The following STK35 variants were observed in gnomAD, a reference collection of about 807,000 sequenced individuals.
STK35 encodes serine/threonine kinase 35, also known as serine/threonine-protein kinase 35.
In STK35, 17 loss-of-function variants were observed where a neutral mutation model predicts 37.3. The observed-to-expected ratio is 0.46, with a 90% CI of 0.31 to 0.68. STK35 has a LOEUF of 0.68. STK35 is among the 30% of genes least tolerant of loss of function. STK35 has a pLI of 0.05. For synonymous variants in STK35, 385 were observed against 319.1 expected (o/e 1.21, Z -2.20); for missense variants, 595 against 746.7 (o/e 0.80, Z 2.37).
At chr20:2,109,609 C>A (rs886486331) in intron 2 of STK35, among the ~76,000 whole-genome samples, 4 of 152,212 alleles carry the variant, frequency 2.6e-5, no homozygotes, top group African/African-American at 9.7e-5. Flanking sequence ...TTTCCAGTGT[C>A]CATGTTCTTG....
chr20:2,109,487 G>A (rs1255956741), intron 2 of STK35, among the ~76,000 whole-genome samples: 2 of 152,210 alleles, frequency 1.3e-5, no homozygotes, highest in East Asian at 3.9e-4. Flanking sequence ...TAAAGTTGGT[G>A]TTTATATAAC....
intron 3 of STK35, among the ~76,000 whole-genome samples, chr20:2,126,611 G>A (rs1167010623): frequency 6.6e-6 from 1 of 152,148 alleles, no homozygotes; most frequent in African/African-American, 2.4e-5. Context: ...TAGGGCAGCC[G>A]CATTCGTGCT....
intron 2 of STK35, 150 bp from the exon 3 acceptor site, chr20:2,116,516 T>C (rs1985719802): frequency 2.3e-6 from 2 of 856,808 alleles, no homozygotes; most frequent in South Asian, 1.8e-5. Flanking sequence ...GTGTCATACC[T>C]TAGAAAGGCA....
rs894848862 is a variant in STK35 at position 2,146,716 on chromosome 20, C to G, written c.*2970C>G. ...CCACGGGGGAGGGATCACCCTCACC[C>G]CCAACACCCTCTTCCTGAGGGCTGT... On this transcript the variant is annotated 3_prime_UTR_variant, in exon 4 of 4. Coordinates refer to ENST00000381482, the MANE Select transcript of STK35 (RefSeq NM_080836.4). The G allele has an allele frequency of 6.5e-6, 1 of 152,724 alleles. No homozygotes were observed. The highest frequency in any genetic ancestry group is 1.5e-5 in the Non-Finnish European group (1 of 68,132). 9.5% of individuals were successfully genotyped at this position (152,724 alleles called of 1,614,324 possible). A position where few individuals can be genotyped will look rare whatever the true frequency, so the allele number is the denominator to read the frequency against.
chr20:2,137,650 G>A (rs1986108712), intron 3 of STK35, among the ~76,000 whole-genome samples: 1 of 152,138 alleles, frequency 6.6e-6, no homozygotes, highest in Non-Finnish European at 1.5e-5. Flanking sequence ...CAACAGGCAC[G>A]TTCACAGCAC....
At chr20:2,119,332 GGA>G (rs954751308) in intron 3 of STK35, among the ~76,000 whole-genome samples, 9 of 152,208 alleles carry the variant, frequency 5.9e-5, no homozygotes, top group African/African-American at 1.9e-4. Context: ...CTGAAACCAG[GGA>G]GAGCCTGGCA....
intron 2 of STK35, among the ~76,000 whole-genome samples, chr20:2,108,687 C>G (rs551127038): frequency 6.6e-6 from 1 of 152,306 alleles, no homozygotes; most frequent in South Asian, 2.1e-4. Flanking sequence ...TTGCTCCTGA[C>G]CGACTACTTT....
chr20:2,112,555 G>A (rs1267695489), intron 2 of STK35, among the ~76,000 whole-genome samples: 2 of 152,118 alleles, frequency 1.3e-5, no homozygotes, highest in Non-Finnish European at 2.9e-5. Context: ...CTGGGGGGAG[G>A]ACTTGCTGTG....
Position 2,116,898 on chromosome 20 carries a change from C to T in STK35, c.1125C>T (p.Pro375=), listed in dbSNP as rs1349267582. The T allele has an allele frequency of 6.2e-7, 1 of 1,614,176 alleles. No homozygotes were observed. Among genetic ancestry groups the T allele is most frequent in the Non-Finnish European group, 8.5e-7 (1 of 1,180,036 alleles). Residue 375 remains proline, a synonymous_variant, in exon 3 of 4, where the codon CCC becomes CCT. Transcript: ENST00000381482. ...NILITERSGT[P]ILKVADFGLS... is the part of the protein sequence containing the mutation. ...TCATCACAGAGCGGTCTGGCACCCC[C>T]ATCCTCAAAGTGGCCGACTTTGGAC... is the stretch of plus-strand genomic sequence containing the variant.
At chr20:2,127,946 A>G (rs17779543) in intron 3 of STK35, among the ~76,000 whole-genome samples, 9,513 of 152,100 alleles carry the variant, frequency 0.063, 385 homozygotes, top group Admixed American at 0.11. Flanking sequence ...CATGAGTAAG[A>G]AGTGTTGGTG....
At chr20:2,126,517 C>T (rs759870555) in intron 3 of STK35, among the ~76,000 whole-genome samples, 1 of 152,114 alleles carries the variant, frequency 6.6e-6, no homozygotes, top group Non-Finnish European at 1.5e-5. Context: ...GGAAAGGGTA[C>T]TACTGTTCAG....
intron 3 of STK35, among the ~76,000 whole-genome samples, chr20:2,133,683 C>G (rs1030124343): frequency 6.6e-6 from 1 of 152,204 alleles, no homozygotes; most frequent in Non-Finnish European, 1.5e-5. Context: ...ACGGAGACCT[C>G]CAAATCTCAG....
intron 3 of STK35, among the ~76,000 whole-genome samples, chr20:2,130,299 A>G (rs1985977030): frequency 6.6e-6 from 1 of 152,152 alleles, no homozygotes; most frequent in African/African-American, 2.4e-5. Context: ...GAGCACCTTC[A>G]CAGGCACAGA....
intron 2 of STK35, among the ~76,000 whole-genome samples, chr20:2,110,626 A>G (rs1445331230): frequency 2.0e-5 from 3 of 152,148 alleles, no homozygotes; most frequent in Non-Finnish European, 4.4e-5. Flanking sequence ...TGAATTCCTC[A>G]AGTGGGATTT....
At chr20:2,104,440 A>G (rs1259672631) in intron 2 of STK35, among the ~76,000 whole-genome samples, 3 of 152,374 alleles carry the variant, frequency 2.0e-5, no homozygotes, top group East Asian at 3.9e-4. Flanking sequence ...TAACTTGATC[A>G]GGGTTAATCC....
At chr20:2,128,743 G>A (rs1162398903) in intron 3 of STK35, among the ~76,000 whole-genome samples, 1 of 152,122 alleles carries the variant, frequency 6.6e-6, no homozygotes, top group Non-Finnish European at 1.5e-5. Context: ...ATGGTAGGGA[G>A]GTCACCCCTA....
chr20:2,116,367 G>A (rs1985717056), intron 2 of STK35, among the ~76,000 whole-genome samples: 1 of 152,180 alleles, frequency 6.6e-6, no homozygotes, highest in African/African-American at 2.4e-5. Flanking sequence ...TTTGGGAGGT[G>A]TGGGTGGTAT....
In STK35 at chr20:2,131,937, T is replaced by C. The variant is rs575364635; in HGVS notation, c.*38-11847T>C. On this transcript the variant is annotated intron_variant, in intron 3 of 3. Transcript: ENST00000381482. Reference sequence around the variant, plus strand: ...ACTTTTTTCTATTTTAAAAAAGTAATTTTTTTACTTTTTAAATTTTTTTTG... The same window carrying C: ...ACTTTTTTCTATTTTAAAAAAGTAACTTTTTTACTTTTTAAATTTTTTTTG... Among the ~76,000 whole-genome samples the C allele has an allele frequency of 1.1e-3, 167 of 152,308 alleles. 2 individuals are homozygous for C. Among genetic ancestry groups the C allele is most frequent in the South Asian group, 3.5e-3 (17 of 4,824 alleles).
intron 2 of STK35, among the ~76,000 whole-genome samples, chr20:2,106,567 T>C (rs1456162397): frequency 1.3e-5 from 2 of 152,198 alleles, no homozygotes; most frequent in Non-Finnish European, 2.9e-5. Context: ...AGCAAGGGCT[T>C]TGCACAAGAA....
Sources: allele counts gnomAD v4.1 joint callset (sites outside exome capture counted in the v4.1 genomes callset), GRCh38; gene constraint gnomAD v4.1.1; transcripts MANE v1.5; gene names NCBI Gene and HGNC (gene_info 2026-07-23, HGNC 2026-07-21).